The following RAPGEF3 variants were observed in gnomAD, a reference collection of about 807,000 sequenced individuals.
The protein encoded by RAPGEF3 is 9330170P05Rik.
A neutral mutation model predicts 129.8 loss-of-function variants in RAPGEF3; 103 were observed. The ratio of observed to expected loss-of-function variants is 0.79; its 90% CI spans 0.68 to 0.93. RAPGEF3 has a LOEUF of 0.93. Ranked by LOEUF, RAPGEF3 falls within the 40% of genes least tolerant of loss-of-function variation. RAPGEF3 has a pLI of 0.00. For missense variants in RAPGEF3, 1,117 were observed against 1,207.4 expected (o/e 0.93, Z 1.11); for synonymous variants, 436 against 482.6 (o/e 0.90, Z 1.26).
At chr12:47,740,855 T>A in intron 20 of RAPGEF3, 32 bp from the exon 21 acceptor site, 2 of 1,613,434 alleles carry the variant, frequency 1.2e-6, no homozygotes, top group Non-Finnish European at 8.5e-7. Context: ...GGTCAGCGAG[T>A]GCTGAGCCGA....
rs371090384 is a variant in RAPGEF3, at chr12:47,738,182, C to T, written c.2581+11G>A. The T allele has an allele frequency of 5.0e-6, 8 of 1,613,646 alleles. No homozygotes were observed. The highest frequency in any genetic ancestry group is 1.3e-5 in the African/African-American group (1 of 74,924). The stretch of plus-strand genomic sequence containing the variant: ...TGGGGGACCTCCCACCCCGGGGACC[C>T]GCCCTCTCACCAGGGTTGTGGCTTC... On this transcript the variant is annotated intron_variant, in intron 26 of 27. Coordinates refer to ENST00000449771, the MANE Select transcript of RAPGEF3 (RefSeq NM_001098531.4).
rs1592547431 is a variant in RAPGEF3, at chr12:47,744,068, C to T, written c.1597G>A (p.Ala533Thr). 2.5e-6 allele frequency: 4 copies of T among 1,598,086 alleles called. No homozygotes were observed. Among genetic ancestry groups the T allele is most frequent in the East Asian group, 4.5e-5 (2 of 44,758 alleles). ...GGGAGCCAAACAGGCAAGTTCCGGG[C>T]CTGGGAGGAAGAGGAACGAGAAAAT... ...GCGNASPQMK[A>T]RNLPVWLPNQ... The change falls in exon 17 of 28, where the codon GCC (alanine) becomes ACC (threonine). Residue 533 changes from alanine to threonine, a missense_variant and splice_region_variant. This residue lies in a region of RAPGEF3 where 643 missense variants were observed against 673.4 expected (regional missense o/e 0.95). Coordinates refer to ENST00000449771, the MANE Select transcript of RAPGEF3 (RefSeq NM_001098531.4).
intron 16 of RAPGEF3, 108 bp downstream of exon 16, chr12:47,746,752 G>T: frequency 1.6e-6 from 2 of 1,234,148 alleles, no homozygotes; most frequent in Non-Finnish European, 2.3e-6. Context: ...GGGTGTGTCT[G>T]TGGGAGGAGA....
intron 7 of RAPGEF3, 148 bp from the exon 8 acceptor site, chr12:47,750,138 A>ATT (rs1346565018): frequency 6.1e-6 from 7 of 1,153,202 alleles, no homozygotes; most frequent in Admixed American, 1.8e-5. Context: ...TCAGCAGGAG[A>ATT]CAAAGCAAGT....
intron 2 of RAPGEF3, among the ~76,000 whole-genome samples, chr12:47,755,417 C>T (rs996079361): frequency 6.6e-6 from 1 of 152,126 alleles, no homozygotes; most frequent in African/African-American, 2.4e-5. Context: ...AATGAAAGTG[C>T]GTTCTCGGAG....
At chr12:47,750,858 G>T (rs1941698605) in intron 6 of RAPGEF3, among the ~76,000 whole-genome samples, 190 bp downstream of exon 6, 1 of 152,212 alleles carries the variant, frequency 6.6e-6, no homozygotes, top group African/African-American at 2.4e-5. Flanking sequence ...ACTTGGGGGG[G>T]TTTGGGAGTG....
chr12:47,735,107 C>T lies in RAPGEF3; in HGVS notation c.*2460G>A, dbSNP rs1466374116. 2 of 152,312 alleles carry T rather than the reference C, an allele frequency of 1.3e-5. No homozygotes were observed. The highest frequency in any genetic ancestry group is 2.9e-5 in the Non-Finnish European group (2 of 68,128). The allele number at this position is 152,312 out of a possible 1,614,324, so 9.4% of individuals were successfully genotyped here. Reference sequence around the variant, plus strand: ...TAACAATGACCTCCCTCTGTCCTGTCCTGCCCGGTAGGACACACACGCAGC... The same window carrying T: ...TAACAATGACCTCCCTCTGTCCTGTTCTGCCCGGTAGGACACACACGCAGC... On this transcript the variant is annotated 3_prime_UTR_variant, in exon 28 of 28. Coordinates refer to ENST00000449771, the MANE Select transcript of RAPGEF3 (RefSeq NM_001098531.4).
At chr12:47,747,657 T>C in intron 14 of RAPGEF3, 31 bp from the exon 15 acceptor site, 1 of 1,613,082 alleles carries the variant, frequency 6.2e-7, no homozygotes, top group Non-Finnish European at 8.5e-7. Flanking sequence ...CTGAGATGGC[T>C]GTAGCTGCAT....
At chr12:47,755,286 T>G (rs574160575) in intron 2 of RAPGEF3, among the ~76,000 whole-genome samples, 1 of 152,318 alleles carries the variant, frequency 6.6e-6, no homozygotes, top group South Asian at 2.1e-4. Flanking sequence ...ATGACATTAG[T>G]ACCTATCTCA....
intron 21 of RAPGEF3, 22 bp downstream of exon 21, chr12:47,740,620 T>C (rs1342376538): frequency 1.2e-6 from 2 of 1,612,308 alleles, no homozygotes; most frequent in Admixed American, 3.3e-5. Context: ...GGCCACGCCC[T>C]ACCCACTGGA....
At chr12:47,737,893 A>C in intron 27 of RAPGEF3, 129 bp downstream of exon 27, 38 of 1,281,950 alleles carry the variant, frequency 3.0e-5, no homozygotes, top group Non-Finnish European at 4.2e-5. Context: ...GAGGCTGAAC[A>C]TTATCAACAT....
chr12:47,750,282 GA>G, intron 7 of RAPGEF3, 58 bp downstream of exon 7: 1 of 1,508,784 alleles, frequency 6.6e-7, no homozygotes, highest in Admixed American at 1.7e-5. Context: ...GAGTTTCAGG[GA>G]AGTCACAGGA....
chr12:47,748,649 GT>G, intron 11 of RAPGEF3, 107 bp from the exon 12 acceptor site: 1 of 1,131,236 alleles, frequency 8.8e-7, no homozygotes, highest in Non-Finnish European at 1.3e-6. Flanking sequence ...AGCCAGCCCT[GT>G]CCCACCTTAG....
intron 2 of RAPGEF3, among the ~76,000 whole-genome samples, chr12:47,757,311 C>A (rs1212846046): frequency 6.6e-6 from 1 of 152,160 alleles, no homozygotes; most frequent in Non-Finnish European, 1.5e-5. Context: ...TTCTCACTAG[C>A]AAAGGGCACT....
chr12:47,746,746 G>A, intron 16 of RAPGEF3, 114 bp downstream of exon 16: 1 of 1,174,674 alleles, frequency 8.5e-7, no homozygotes, highest in Non-Finnish European at 1.2e-6. Context: ...ACCCAAGGGT[G>A]TGTCTGTGGG....
In RAPGEF3 at chr12:47,749,920, C is replaced by T. The variant is rs756834476; in HGVS notation, c.817+10G>A. On this transcript the variant is annotated intron_variant, in intron 8 of 27. Transcript: ENST00000449771. The surrounding 1 kb of genome is among the most constrained non-coding windows in gnomAD (Gnocchi z 4.5). Reference sequence around the variant, plus strand: ...CCTGTGCCTGGCTTCTTATGCCCTGCTGGACTTACACACGGTCCCTGCCTT... The same window carrying T: ...CCTGTGCCTGGCTTCTTATGCCCTGTTGGACTTACACACGGTCCCTGCCTT... 1 of 1,614,236 alleles carries T rather than the reference C, an allele frequency of 6.2e-7. No homozygotes were observed. Among genetic ancestry groups the T allele is most frequent in the Non-Finnish European group, 8.5e-7 (1 of 1,180,042 alleles).
chr12:47,745,560 AC>A (rs781334822), intron 16 of RAPGEF3: 9 of 151,136 alleles, frequency 6.0e-5, no homozygotes, highest in Admixed American at 1.3e-4. Flanking sequence ...TTCTTCCTCC[AC>A]CCTTGCCCCC....
chr12:47,758,573 G>T lies in RAPGEF3; in HGVS notation c.-17C>A. The T allele has an allele frequency of 6.2e-7, 1 of 1,613,682 alleles. No individual in the cohort carries two copies. The highest frequency in any genetic ancestry group is 8.5e-7 in the Non-Finnish European group (1 of 1,179,802). ...CACCTTCATGTTTCTTTTCAAGCTC[G>T]CACAGCCGTGCAGGCTCTAGCAAAA... On this transcript the variant is annotated 5_prime_UTR_variant, in exon 1 of 28. Coordinates refer to ENST00000449771, the MANE Select transcript of RAPGEF3 (RefSeq NM_001098531.4).
In RAPGEF3 at chr12:47,740,403, C is replaced by T. The variant is rs375204821; in HGVS notation, c.2232-8G>A. The T allele has an allele frequency of 1.1e-5, 17 of 1,613,104 alleles. No individual in the cohort carries two copies. The African/African-American group carries it at 2.1e-4, about 20-fold the overall frequency. On this transcript the variant is annotated splice_polypyrimidine_tract_variant and splice_region_variant and intron_variant, in intron 21 of 27. Transcript: ENST00000449771. ...TTCTTCTGCTCCTTGAGGCTGTGAG[C>T]AGAAGACCCAGAGACCCTCAGGGTA... is the stretch of plus-strand genomic sequence containing the variant.
Sources: gnomAD v4.1 joint callset for allele counts (sites outside exome capture counted in the v4.1 genomes callset) on GRCh38, gnomAD v4.1.1 for gene constraint, gnomAD v4.1.1 regional missense constraint, Gnocchi (gnomAD v3.1) non-coding constraint, MANE v1.5 for transcripts, NCBI Gene and HGNC (gene_info 2026-07-23, HGNC 2026-07-21) for gene names.